CGGBP1: variants seen among roughly 807,000 people sequenced by gnomAD.
CGGBP1 encodes the protein CGG triplet repeat binding protein 1.
A neutral mutation model predicts 11.4 loss-of-function variants in CGGBP1; 4 were observed. The ratio of observed to expected loss-of-function variants is 0.35; its 90% confidence interval spans 0.17 to 0.80. The LOEUF (loss-of-function observed/expected upper bound fraction) is 0.80. Among genes scored for constraint, CGGBP1 ranks in the 30% least tolerant of loss-of-function variants. The pLI, the probability that CGGBP1 is intolerant of heterozygous loss-of-function variation, is 0.52. For synonymous variants in CGGBP1, 76 were observed against 74.1 expected (o/e 1.03, Z -0.13); for missense variants, 135 against 202.1 (o/e 0.67, Z 2.01).
At chr3:88,060,805 T>A (rs1460820682), upstream of CGGBP1, among the ~76,000 whole-genome samples, 1 of 152,078 alleles carries the variant, frequency 6.6e-6, no homozygotes, top group Non-Finnish European at 1.5e-5. Context: ...TTTCTTTCAA[T>A]GCTTGTAAGG....
At chr3:88,126,274 T>C in intron 2 of CGGBP1, 2 of 1,476,546 alleles carry the variant, frequency 1.4e-6, no homozygotes, top group Non-Finnish European at 1.8e-6. Context: ...AGATAGGTAC[T>C]TCAGGAGATT....
rs1306274651 is a variant in CGGBP1, at chr3:88,064,564, T to A, written c.-228-6341A>T. On this transcript the variant is annotated intron_variant, in intron 2 of 3. Coordinates refer to the CGGBP1 transcript ENST00000462901. ...TATGTGGTACCTCAAATTCCTGAGA[T>A]GTTCTGGGGTTCTGGGGTTGATTCA... is the stretch of plus-strand genomic sequence containing the variant. Among the ~76,000 whole-genome samples the A allele has an allele frequency of 8.5e-5, 13 of 152,304 alleles. No individual in the cohort carries two copies. In the East Asian group the frequency reaches 1.2e-3, roughly 14 times the overall value.
chr3:88,148,395 C>T lies in CGGBP1; in HGVS notation c.-338+1316G>A, dbSNP rs1447722510. On this transcript the variant is annotated intron_variant, in intron 1 of 3. Coordinates refer to the CGGBP1 transcript ENST00000462901. The stretch of plus-strand genomic sequence containing the variant: ...TGCCCTCCACGTGGTCCCATACCAA[C>T]ATATTTTAGCACTTATCTTGTCATC... Among the ~76,000 whole-genome samples, 7 of 152,298 alleles carry T rather than the reference C, an allele frequency of 4.6e-5. No homozygotes were observed. In the East Asian group the frequency reaches 1.3e-3, roughly 29 times the overall value.
chr3:88,135,025 G>A, intron 2 of CGGBP1: 6 of 1,322,964 alleles, frequency 4.5e-6, no homozygotes, highest in Non-Finnish European at 5.9e-6. Flanking sequence ...TGAATAAACT[G>A]TATTTTTGAT....
chr3:88,069,529 A>G (rs1707390120), intron 2 of CGGBP1, among the ~76,000 whole-genome samples: 1 of 152,202 alleles, frequency 6.6e-6, no homozygotes, highest in Admixed American at 6.5e-5. Flanking sequence ...TTTTCTTCAT[A>G]GCACTTATCG....
At chr3:88,094,903 ATGCT>A (rs1189033359) in intron 2 of CGGBP1, among the ~76,000 whole-genome samples, 4 of 152,138 alleles carry the variant, frequency 2.6e-5, no homozygotes, top group African/African-American at 9.6e-5. Flanking sequence ...ATTACATGAA[ATGCT>A]TCTGTAATGA....
chr3:88,053,071 C>T lies in CGGBP1; in HGVS notation c.*2402G>A, dbSNP rs1211156258. ...TGCTATTTTTCCAATAGTATAGCAT[C>T]ACACTAACACTATATAGTTAAGATT... is the stretch of plus-strand genomic sequence containing the variant. On this transcript the variant is annotated 3_prime_UTR_variant, in exon 4 of 4. Transcript: ENST00000482016. 1.3e-5 allele frequency: 2 copies of T among 152,516 alleles called. No homozygotes were observed. The highest frequency in any genetic ancestry group is 2.9e-5 in the Non-Finnish European group (2 of 67,980). The allele number at this position is 152,516 out of a possible 1,614,324, so 9.4% of individuals were successfully genotyped here. A position where few individuals can be genotyped will look rare whatever the true frequency, so the allele number is the denominator to read the frequency against.
At chr3:88,110,667 C>T (rs1705034570) in intron 2 of CGGBP1, among the ~76,000 whole-genome samples, 1 of 152,020 alleles carries the variant, frequency 6.6e-6, no homozygotes, top group Admixed American at 6.6e-5. Context: ...CATTCTGCAC[C>T]CTACAGAGTT....
At chr3:88,062,096 C>A (rs2107582548), upstream of CGGBP1, among the ~76,000 whole-genome samples, 1 of 152,130 alleles carries the variant, frequency 6.6e-6, no homozygotes, top group South Asian at 2.1e-4. Flanking sequence ...TTGGACTGGC[C>A]CTATCACATC....
chr3:88,129,842 T>C, intron 2 of CGGBP1: 1 of 1,402,862 alleles, frequency 7.1e-7, no homozygotes, highest in Non-Finnish European at 9.4e-7. Context: ...TGTTTGTAAA[T>C]AAAGAAATTG....
intron 2 of CGGBP1, among the ~76,000 whole-genome samples, chr3:88,088,844 C>G (rs577714786): frequency 6.6e-6 from 1 of 151,894 alleles, no homozygotes; most frequent in East Asian, 1.9e-4. Flanking sequence ...ATGATCTCGG[C>G]TCACTGCAAC....
chr3:88,079,490 CATCT>C (rs1167759484), intron 2 of CGGBP1, among the ~76,000 whole-genome samples: 1 of 151,966 alleles, frequency 6.6e-6, no homozygotes, highest in Non-Finnish European at 1.5e-5. Context: ...ATGGATGTCA[CATCT>C]ATCTATTTTT....
intron 2 of CGGBP1, among the ~76,000 whole-genome samples, chr3:88,085,399 A>G (rs1221052447): frequency 6.6e-6 from 1 of 152,220 alleles, no homozygotes; most frequent in Non-Finnish European, 1.5e-5. Flanking sequence ...TTTGAATTTC[A>G]TGTAATTTTC....
chr3:88,094,314 C>A (rs1437884386), intron 2 of CGGBP1, among the ~76,000 whole-genome samples: 1 of 152,126 alleles, frequency 6.6e-6, no homozygotes, highest in Non-Finnish European at 1.5e-5. Flanking sequence ...TGACTAGCAT[C>A]TTTTCCCCGG....
At chr3:88,071,894 T>C (rs772753415) in intron 2 of CGGBP1, among the ~76,000 whole-genome samples, 5 of 152,236 alleles carry the variant, frequency 3.3e-5, no homozygotes, top group Non-Finnish European at 5.9e-5. Context: ...TTCTCTCTTA[T>C]ATTTTGAAGT....
chr3:88,135,417 T>C (rs1439769877), intron 2 of CGGBP1: 1 of 348,486 alleles, frequency 2.9e-6, no homozygotes, highest in African/African-American at 2.1e-5. Flanking sequence ...ATGGAAGCAA[T>C]TGCTTCCATT....
At chr3:88,067,563 G>C (rs77758841) in intron 2 of CGGBP1, among the ~76,000 whole-genome samples, 2,013 of 152,320 alleles carry the variant, frequency 0.013, 35 homozygotes, top group African/African-American at 0.045. Context: ...TTCAAATAAA[G>C]TTTGAGAAGG....
chr3:88,139,001 A>G, intron 2 of CGGBP1: 1 of 1,245,342 alleles, frequency 8.0e-7, no homozygotes, highest in Non-Finnish European at 1.0e-6. Context: ...TGAAAAAGGG[A>G]TTGTTTTTTG....
intron 2 of CGGBP1, among the ~76,000 whole-genome samples, chr3:88,088,727 TAA>T (rs11329135): frequency 2.0e-5 from 3 of 151,404 alleles, no homozygotes; most frequent in African/African-American, 4.9e-5. Flanking sequence ...TGAGGCAGTT[TAA>T]AAAAAAACCT....
Sources: gnomAD v4.1 joint callset for allele counts (sites outside exome capture counted in the v4.1 genomes callset) on GRCh38, gnomAD v4.1.1 for gene constraint, MANE v1.5 for transcripts, NCBI Gene and HGNC (gene_info 2026-07-23, HGNC 2026-07-21) for gene names.